The following IGSF11 variants were observed in gnomAD, a reference collection of about 807,000 sequenced individuals.
IGSF11 encodes CXADR like 1.
IGSF11 carries 22 observed loss-of-function variants against 41.0 expected under a neutral mutation model. The ratio of observed to expected loss-of-function variants is 0.54; its 90% CI spans 0.38 to 0.77. The LOEUF is 0.77. Among genes scored for constraint, IGSF11 ranks in the 30% least tolerant of loss-of-function variants. IGSF11 has a pLI of 0.00. For synonymous variants in IGSF11, 219 were observed against 201.3 expected (o/e 1.09, Z -0.74); for missense variants, 444 against 530.8 (o/e 0.84, Z 1.61).
intron 1 of IGSF11, among the ~76,000 whole-genome samples, chr3:119,083,281 A>T (rs1292133323): frequency 6.6e-6 from 1 of 151,834 alleles, no homozygotes; most frequent in Non-Finnish European, 1.5e-5. Context: ...CACCATGCCC[A>T]GCTATTTTAA....
chr3:118,912,290 T>C (rs944720301), intron 4 of IGSF11, among the ~76,000 whole-genome samples: 7 of 152,228 alleles, frequency 4.6e-5, no homozygotes, highest in African/African-American at 4.8e-5. Flanking sequence ...TACTGACCAT[T>C]GTGAGAAACA....
chr3:118,990,849 C>T (rs1334183006), intron 1 of IGSF11, among the ~76,000 whole-genome samples: 1 of 152,106 alleles, frequency 6.6e-6, no homozygotes, highest in Admixed American at 6.6e-5. Flanking sequence ...TTCAGGGAAT[C>T]TCTAAAGGGC....
At chr3:118,905,840 G>A in intron 4 of IGSF11, 122 bp from the exon 5 acceptor site, 1 of 1,071,874 alleles carries the variant, frequency 9.3e-7, no homozygotes, top group Non-Finnish European at 1.3e-6. Context: ...TCTTTTTTGT[G>A]GGGGTAGGGT....
chr3:119,069,218 G>C (rs898626259), intron 1 of IGSF11, among the ~76,000 whole-genome samples: 1 of 152,160 alleles, frequency 6.6e-6, no homozygotes, highest in Non-Finnish European at 1.5e-5. Context: ...GTGAGCCACT[G>C]TGCCTGGCCA....
intron 1 of IGSF11, among the ~76,000 whole-genome samples, chr3:119,056,832 CA>C (rs1941860095): frequency 6.6e-6 from 1 of 152,094 alleles, no homozygotes. Flanking sequence ...GCAAATCAAT[CA>C]ACTTAATCCA....
chr3:119,016,518 T>C (rs1342227592), intron 1 of IGSF11, among the ~76,000 whole-genome samples: 2 of 152,214 alleles, frequency 1.3e-5, no homozygotes, highest in Non-Finnish European at 1.5e-5. Context: ...AGAAAATATT[T>C]AGAATGCTGA....
At chr3:119,029,774 T>C (rs971338294) in intron 1 of IGSF11, among the ~76,000 whole-genome samples, 6 of 152,218 alleles carry the variant, frequency 3.9e-5, no homozygotes, top group Non-Finnish European at 7.3e-5. Flanking sequence ...GGTAAATATT[T>C]AAACTTAAAT....
intron 1 of IGSF11, among the ~76,000 whole-genome samples, chr3:118,939,551 G>C (rs565491457): frequency 6.7e-6 from 1 of 150,296 alleles, no homozygotes; most frequent in Non-Finnish European, 1.5e-5. Context: ...ACTCTAGCCT[G>C]GGTGACAGAG....
chr3:118,971,928 T>G (rs1933489526), intron 1 of IGSF11, among the ~76,000 whole-genome samples: 1 of 152,152 alleles, frequency 6.6e-6, no homozygotes, highest in Non-Finnish European at 1.5e-5. Context: ...GAATGGCATG[T>G]TTAAGATAAC....
intron 5 of IGSF11, 49 bp from the exon 6 acceptor site, chr3:118,904,847 T>C (rs1306234832): frequency 6.8e-7 from 1 of 1,475,010 alleles, no homozygotes; most frequent in East Asian, 2.3e-5. Context: ...AAGAGAGAAA[T>C]AGCATATACC....
rs553106376 is a variant in IGSF11, at chr3:118,955,548, T to C, written c.53-25273A>G. 4.6e-5 allele frequency among the ~76,000 whole-genome samples: 7 copies of C among 152,256 alleles called. No homozygotes were observed. In the East Asian group the frequency reaches 1.2e-3, roughly 25 times the overall value. On this transcript the variant is annotated intron_variant, in intron 1 of 6. Transcript: ENST00000393775. ...TGTCATGAAAACAACATTAATCTCC[T>C]TGTACAGCTCCATCAGCACTCTTGG...
intron 1 of IGSF11, among the ~76,000 whole-genome samples, chr3:118,998,793 G>T (rs1290746736): frequency 2.6e-5 from 4 of 152,044 alleles, no homozygotes; most frequent in Non-Finnish European, 5.9e-5. Context: ...CCAAAAGCAT[G>T]TGATTTTAAA....
chr3:118,902,926 T>C lies in IGSF11; in HGVS notation c.890A>G (p.Lys297Arg), dbSNP rs774475465. Residue 297 changes from lysine to arginine, a missense_variant, in exon 7 of 7, where the codon AAA becomes AGA. This residue lies in a region of IGSF11 where 223 missense variants were observed against 226.2 expected (regional missense o/e 0.99). Transcript: ENST00000393775. ...DDLPPKCSSA[K>R]AFHTEISSSD... ...GGAGGAAATCTCAGTGTGAAATGCT[T>C]TGGCAGAAGAACACTTGGGTGGAAG... is the stretch of plus-strand genomic sequence containing the variant. The C allele has an allele frequency of 1.3e-5, 21 of 1,614,046 alleles. No individual in the cohort carries two copies. Among genetic ancestry groups the C allele is most frequent in the Middle Eastern group, 1.7e-4 (1 of 6,054 alleles).
intron 5 of IGSF11, among the ~76,000 whole-genome samples, chr3:118,905,304 A>G (rs1016323797): frequency 1.3e-5 from 2 of 152,246 alleles, no homozygotes; most frequent in Admixed American, 1.3e-4. Context: ...TACTATACTC[A>G]TAAGATTATT....
intron 1 of IGSF11, among the ~76,000 whole-genome samples, chr3:119,076,208 A>G (rs181566177): frequency 1.4e-4 from 21 of 152,378 alleles, no homozygotes; most frequent in Admixed American, 4.6e-4. Flanking sequence ...GGCTAGCCAT[A>G]TGTAGAAAGC....
Position 118,935,274 on chromosome 3 carries a change from C to T in IGSF11, c.53-4999G>A, listed in dbSNP as rs373449594. On this transcript the variant is annotated intron_variant, in intron 1 of 6. Transcript: ENST00000393775. ...ATATATATATAAATATATACACACA[C>T]CCTGAGGAAATATCAGGGTGTATAT... 8.1e-4 allele frequency among the ~76,000 whole-genome samples: 113 copies of T among 139,456 alleles called. 1 individual carries two copies. The South Asian group carries it at 0.024, about 29-fold the overall frequency. The allele number at this position is 139,456 out of a possible 152,430, so 91.5% of individuals were successfully genotyped here.
intron 4 of IGSF11, among the ~76,000 whole-genome samples, chr3:118,921,854 C>A (rs1941827892): frequency 6.6e-6 from 1 of 151,970 alleles, no homozygotes; most frequent in African/African-American, 2.4e-5. Context: ...AGTCAAAAAT[C>A]TACCAAAAAA....
At chr3:119,130,569 A>G (rs1313001868) in intron 1 of IGSF11, among the ~76,000 whole-genome samples, 1 of 152,260 alleles carries the variant, frequency 6.6e-6, no homozygotes, top group Non-Finnish European at 1.5e-5. Context: ...CGAACTGGGC[A>G]GAACCCACCA....
intron 1 of IGSF11, among the ~76,000 whole-genome samples, chr3:119,102,375 G>C (rs1243039634): frequency 3.3e-5 from 5 of 152,134 alleles, no homozygotes; most frequent in Non-Finnish European, 7.4e-5. Context: ...TCCTAGCATT[G>C]ATTGCTGCTG....
Sources: allele counts gnomAD v4.1 joint callset (sites outside exome capture counted in the v4.1 genomes callset), GRCh38; gene constraint gnomAD v4.1.1; regional missense constraint gnomAD v4.1.1; transcripts MANE v1.5; gene names NCBI Gene and HGNC (gene_info 2026-07-23, HGNC 2026-07-21).